ACADM: variants seen among roughly 807,000 people sequenced by gnomAD.
ACADM encodes the protein acyl-CoA dehydrogenase medium chain.
A neutral mutation model predicts 58.9 loss-of-function variants in ACADM; 49 were observed. The ratio of observed to expected loss-of-function variants is 0.83; its 90% CI spans 0.66 to 1.06. ACADM has a LOEUF of 1.06. Ranked by LOEUF, ACADM falls within the 50% of genes least tolerant of loss-of-function variation. The probability of loss-of-function intolerance (pLI) is 0.00; values close to 1 mark genes in which losing one functional copy is unlikely to be tolerated. For synonymous variants in ACADM, 160 were observed against 157.7 expected (o/e 1.01, Z -0.11); for missense variants, 496 against 507.0 (o/e 0.98, Z 0.21).
At chr1:75,729,147 C>T (rs1416581543) in intron 2 of ACADM, among the ~76,000 whole-genome samples, 4 of 151,564 alleles carry the variant, frequency 2.6e-5, no homozygotes, top group African/African-American at 7.3e-5. Context: ...CAGCTAGGTA[C>T]AAATGACAAT....
Position 75,762,582 on chromosome 1 carries a change from T to C in ACADM, c.1195-110T>C, listed in dbSNP as rs1648911332. On this transcript the variant is annotated intron_variant, in intron 11 of 11. Transcript: ENST00000370841. ...GAGGCTACAGACCCTATATATGGTT[T>C]GATTCGGTTTTATATTACAACACAG... 6 of 726,676 alleles carry C rather than the reference T, an allele frequency of 8.3e-6. No individual in the cohort carries two copies. In the South Asian group the frequency reaches 9.4e-5, roughly 11 times the overall value. The allele number at this position is 726,676 out of a possible 1,614,324, so 45.0% of individuals were successfully genotyped here.
At chr1:75,744,732 C>T (rs942456853) in intron 7 of ACADM, 4 of 745,690 alleles carry the variant, frequency 5.4e-6, no homozygotes, top group African/African-American at 1.7e-5. Flanking sequence ...AGGCAGAGAG[C>T]GAGTGGCTGA....
rs146243593 is a variant in ACADM, at chr1:75,752,577, A to G, written c.945+2031A>G. Among the ~76,000 whole-genome samples, 27 of 152,242 alleles carry G rather than the reference A, an allele frequency of 1.8e-4. No homozygotes were observed. The East Asian group carries it at 4.8e-3, about 27-fold the overall frequency. ...AGTTCTCTTATCTTGTGCCTAATCT[A>G]TTTAATCTGTTGATTTTTTATTAAT... On this transcript the variant is annotated intron_variant, in intron 10 of 11. Coordinates refer to ENST00000370841, the MANE Select transcript of ACADM (RefSeq NM_000016.6).
rs776402904 is a variant in ACADM at position 75,733,605 on chromosome 1, G to A, written c.364G>A (p.Ala122Thr). The A allele has an allele frequency of 4.3e-6, 7 of 1,613,866 alleles. No individual in the cohort carries two copies. Among genetic ancestry groups the A allele is most frequent in the South Asian group, 3.3e-5 (3 of 91,082 alleles). ...LAYGCTGVQTAIEGNSLGQMP... is the reference protein window; with the variant it reads ...LAYGCTGVQTTIEGNSLGQMP... ...TTATGGATGTACAGGGGTTCAGACT[G>A]CTATTGAAGGAAATTCTTTGGGGGT... Residue 122 changes from alanine to threonine, a missense_variant, in exon 5 of 12, where the codon GCT becomes ACT. By Grantham distance (58) the Ala-to-Thr change is moderately conservative. Coordinates refer to ENST00000370841, the MANE Select transcript of ACADM (RefSeq NM_000016.6).
intron 4 of ACADM, chr1:75,733,276 G>A: frequency 7.3e-7 from 1 of 1,375,056 alleles, no homozygotes; most frequent in Non-Finnish European, 9.8e-7. Context: ...GTTGAATTGA[G>A]TTTTAACAAA....
intron 2 of ACADM, among the ~76,000 whole-genome samples, chr1:75,729,180 T>G (rs1570853075): frequency 6.6e-6 from 1 of 151,734 alleles, no homozygotes; most frequent in East Asian, 1.9e-4. Context: ...CAGAGTTATT[T>G]TTTTTATTAT....
At chr1:75,727,307 T>G (rs1477793081) in intron 1 of ACADM, among the ~76,000 whole-genome samples, 1 of 152,246 alleles carries the variant, frequency 6.6e-6, no homozygotes, top group Non-Finnish European at 1.5e-5. Flanking sequence ...ACAAAGACAG[T>G]TTCTTTTTAC....
chr1:75,762,148 T>C (rs770385488), intron 11 of ACADM, among the ~76,000 whole-genome samples: 2 of 152,338 alleles, frequency 1.3e-5, no homozygotes, highest in East Asian at 1.9e-4. Flanking sequence ...TTACTATTAT[T>C]ATCATCAACA....
Position 75,762,814 on chromosome 1 carries a change from G to T in ACADM, c.*51G>T. 8.4e-7 allele frequency: 1 copy of T among 1,192,464 alleles called. No individual in the cohort carries two copies. 73.9% of individuals were successfully genotyped at this position (1,192,464 alleles called of 1,614,324 possible). A position where few individuals can be genotyped will look rare whatever the true frequency, so the allele number is the denominator to read the frequency against. ...AACTAGAACACAAGCCACTGTTTCA[G>T]CTCCAGAAAAAAGAAAGGGCTTTAA... On this transcript the variant is annotated 3_prime_UTR_variant, in exon 12 of 12. Coordinates refer to ENST00000370841, the MANE Select transcript of ACADM (RefSeq NM_000016.6).
At chr1:75,753,795 C>CTTTTTTTTTTTTT (rs71071962) in intron 10 of ACADM, among the ~76,000 whole-genome samples, 1,865 of 81,758 alleles carry the variant, frequency 0.023, 276 homozygotes, top group African/African-American at 0.035. Context: ...CTGATAGCTT[C>CTTTTTTTTTTTTT]TTTTTTTTTT....
intron 6 of ACADM, among the ~76,000 whole-genome samples, chr1:75,736,161 C>A (rs1254638505): frequency 1.8e-5 from 2 of 110,782 alleles, no homozygotes; most frequent in Non-Finnish European, 3.6e-5. Context: ...AAGATAAATA[C>A]ACACACAGAC....
intron 9 of ACADM, 29 bp downstream of exon 9, chr1:75,749,588 A>C: frequency 6.3e-7 from 1 of 1,591,512 alleles, no homozygotes; most frequent in Non-Finnish European, 8.6e-7. Flanking sequence ...TAATCTTTAT[A>C]GGATCTTTTA....
chr1:75,745,948 A>G, intron 8 of ACADM, 34 bp downstream of exon 8: 1 of 1,432,992 alleles, frequency 7.0e-7, no homozygotes, highest in Non-Finnish European at 9.8e-7. Flanking sequence ...GGCCCCAAAT[A>G]TTATTTTAAT....
chr1:75,739,595 G>C (rs1647452233), intron 6 of ACADM, among the ~76,000 whole-genome samples: 1 of 152,162 alleles, frequency 6.6e-6, no homozygotes, highest in Non-Finnish European at 1.5e-5. Context: ...CTGAGCCCAG[G>C]AGGTTGAGAC....
At chr1:75,747,095 T>G (rs1647944239) in intron 8 of ACADM, among the ~76,000 whole-genome samples, 1 of 152,248 alleles carries the variant, frequency 6.6e-6, no homozygotes, top group Non-Finnish European at 1.5e-5. Flanking sequence ...CCCAAGAAAT[T>G]GTTTTTTATT....
intron 10 of ACADM, among the ~76,000 whole-genome samples, chr1:75,758,046 A>T (rs868676192): frequency 5.3e-5 from 8 of 152,092 alleles, no homozygotes; most frequent in Middle Eastern, 3.4e-3. Flanking sequence ...AGGATATCTA[A>T]TTTTTTTACT....
chr1:75,757,764 TAGG>T (rs547141997), intron 10 of ACADM, among the ~76,000 whole-genome samples: 180 of 152,302 alleles, frequency 1.2e-3, no homozygotes, highest in African/African-American at 4.1e-3. Context: ...ACCAAAGATG[TAGG>T]AGGATTTCCC....
At chr1:75,737,566 G>A (rs1386499936) in intron 6 of ACADM, among the ~76,000 whole-genome samples, 1 of 151,878 alleles carries the variant, frequency 6.6e-6, no homozygotes, top group Non-Finnish European at 1.5e-5. Context: ...AATTTGTCAT[G>A]ATGCTGAATA....
intron 1 of ACADM, among the ~76,000 whole-genome samples, chr1:75,725,605 A>G (rs1344709630): frequency 1.3e-5 from 2 of 152,344 alleles, no homozygotes; most frequent in East Asian, 1.9e-4. Flanking sequence ...AAAACCTGAT[A>G]TAGAAAACTT....
Sources: allele counts gnomAD v4.1 joint callset (sites outside exome capture counted in the v4.1 genomes callset), GRCh38; gene constraint gnomAD v4.1.1; transcripts MANE v1.5; gene names NCBI Gene and HGNC (gene_info 2026-07-23, HGNC 2026-07-21).